ANK3: variants seen among roughly 807,000 people sequenced by gnomAD.
ANK3 encodes the protein ankyrin-3.
In ANK3, 57 loss-of-function variants were observed where a neutral mutation model predicts 370.9. The observed-to-expected ratio is 0.15, with a 90% confidence interval of 0.12 to 0.19. ANK3 has a LOEUF of 0.19. Among genes scored for constraint, ANK3 ranks in the 10% least tolerant of loss-of-function variants. ANK3 has a pLI of 1.00. For synonymous variants in ANK3, 1,929 were observed against 1,946.3 expected (o/e 0.99, Z 0.23); for missense variants, 4,439 against 5,302.1 (o/e 0.84, Z 5.06).
chr10:60,189,778 T>C (rs1198431487), intron 16 of ANK3, among the ~76,000 whole-genome samples: 1 of 152,182 alleles, frequency 6.6e-6, no homozygotes, highest in African/African-American at 2.4e-5. Flanking sequence ...GAGGACCAAG[T>C]GCTTGCCACA....
At chr10:60,228,489 G>A (rs6479704) in intron 8 of ANK3, among the ~76,000 whole-genome samples, 25,371 of 141,978 alleles carry the variant, frequency 0.18, 2,271 homozygotes, top group African/African-American at 0.2. Flanking sequence ...CTGAGATTGC[G>A]CCACTACACT....
Position 60,027,296 on chromosome 10 carries a change from T to G in ANK3, c.*2550A>C, listed in dbSNP as rs938681624. ...AGGCATTTTGGGAAAGTTTTTTTTT[T>G]TTTTTTTTTTTAAAAAAAAAACCTC... On this transcript the variant is annotated 3_prime_UTR_variant, in exon 44 of 44. Transcript: ENST00000280772. The G allele has an allele frequency of 6.7e-6, 1 of 148,892 alleles. No homozygotes were observed. The highest frequency in any genetic ancestry group is 1.5e-5 in the Non-Finnish European group (1 of 67,266). 9.2% of individuals were successfully genotyped at this position (148,892 alleles called of 1,614,324 possible).
At position 60,076,250 on chromosome 10, in the gene ANK3, G is replaced by A. The variant is rs754585055; in HGVS notation, c.4631C>T (p.Ser1544Leu). Reference sequence around the variant, plus strand: ...TGTGGATTTGATTGGAGAAGGTGTCGAAACAGACCATATTGATTTTAACGG... The same window carrying A: ...TGTGGATTTGATTGGAGAAGGTGTCAAAACAGACCATATTGATTTTAACGG... Reference protein sequence around the residue: ...ASPLKSIWSVSTPSPIKSTLG... With the variant: ...ASPLKSIWSVLTPSPIKSTLG... The change falls in exon 37 of 44, where the codon TCG (serine) becomes TTG (leucine). Residue 1544 changes from serine to leucine, a missense_variant. Physicochemically the swap from Ser to Leu is moderately radical, Grantham distance 145. This residue lies in a region of ANK3 where 679 missense variants were observed against 791.0 expected (regional missense o/e 0.86). Transcript: ENST00000280772. 3.8e-5 allele frequency: 61 copies of A among 1,614,004 alleles called. 1 individual carries two copies. The highest frequency in any genetic ancestry group is 6.7e-5 in the African/African-American group (5 of 74,916).
chr10:60,513,781 C>G (rs1047129161), intron 2 of ANK3, among the ~76,000 whole-genome samples: 2 of 152,038 alleles, frequency 1.3e-5, no homozygotes, highest in Non-Finnish European at 2.9e-5. Flanking sequence ...AGCACTATCT[C>G]GGGTAGTCAT....
chr10:60,091,655 A>T (rs1338382586), intron 28 of ANK3, among the ~76,000 whole-genome samples: 13 of 152,040 alleles, frequency 8.6e-5, no homozygotes, highest in Admixed American at 8.5e-4. Flanking sequence ...ACCTGCGGAA[A>T]TTGCTGTACA....
intron 1 of ANK3, among the ~76,000 whole-genome samples, chr10:60,340,270 A>G (rs2053948054): frequency 6.6e-6 from 1 of 152,196 alleles, no homozygotes; most frequent in African/African-American, 2.4e-5. Flanking sequence ...GTACTGAATT[A>G]TCCAGAGTAC....
At chr10:60,707,470 A>C (rs1010358519) in intron 1 of ANK3, among the ~76,000 whole-genome samples, 2 of 152,110 alleles carry the variant, frequency 1.3e-5, no homozygotes, top group East Asian at 3.9e-4. Flanking sequence ...TCATCAAGAG[A>C]AAACACTATA....
chr10:60,703,462 T>C (rs1292668351), intron 1 of ANK3, among the ~76,000 whole-genome samples: 1 of 151,984 alleles, frequency 6.6e-6, no homozygotes, highest in Admixed American at 6.6e-5. Flanking sequence ...TAGATGGGAG[T>C]TCATTCTACT....
At chr10:60,631,325 G>A (rs1458556382) in intron 1 of ANK3, among the ~76,000 whole-genome samples, 6 of 151,926 alleles carry the variant, frequency 3.9e-5, no homozygotes, top group African/African-American at 1.5e-4. Context: ...TCAGGAGATC[G>A]AGACCATCCT....
At chr10:60,631,289 C>T (rs1297220678) in intron 1 of ANK3, among the ~76,000 whole-genome samples, 1 of 151,932 alleles carries the variant, frequency 6.6e-6, no homozygotes, top group Non-Finnish European at 1.5e-5. Flanking sequence ...AGCACTTTCG[C>T]AGGCCAAGGT....
At chr10:60,218,174 T>G (rs924881838) in intron 8 of ANK3, among the ~76,000 whole-genome samples, 1 of 151,558 alleles carries the variant, frequency 6.6e-6, no homozygotes, top group Non-Finnish European at 1.5e-5. Context: ...CCTATGTGTG[T>G]CTTTGCACAT....
chr10:60,381,005 A>G (rs1233131087), intron 1 of ANK3, among the ~76,000 whole-genome samples: 4 of 152,208 alleles, frequency 2.6e-5, no homozygotes, highest in East Asian at 1.9e-4. Flanking sequence ...GGTACAACAG[A>G]TAAGTCTACA....
intron 7 of ANK3, among the ~76,000 whole-genome samples, chr10:60,236,273 C>T (rs1009787367): frequency 1.3e-5 from 2 of 150,208 alleles, no homozygotes; most frequent in African/African-American, 5.0e-5. Flanking sequence ...CAAAAAATCA[C>T]GATACCATTA....
At chr10:60,468,752 C>G (rs1035858195) in intron 2 of ANK3, among the ~76,000 whole-genome samples, 1 of 151,662 alleles carries the variant, frequency 6.6e-6, no homozygotes, top group Non-Finnish European at 1.5e-5. Context: ...AATGAAAGAA[C>G]TTCAGCATAA....
intron 2 of ANK3, among the ~76,000 whole-genome samples, chr10:60,546,953 G>T (rs2076977010): frequency 6.6e-6 from 1 of 152,090 alleles, no homozygotes; most frequent in Admixed American, 6.5e-5. Flanking sequence ...GAATCACAAA[G>T]AGGTAAAGTG....
At chr10:60,317,345 G>A (rs886599272) in intron 1 of ANK3, among the ~76,000 whole-genome samples, 16 of 151,572 alleles carry the variant, frequency 1.1e-4, no homozygotes, top group African/African-American at 3.4e-4. Context: ...GACTGGGCTC[G>A]AACTTCTGGC....
At chr10:60,664,719 T>C (rs1564514499) in intron 1 of ANK3, among the ~76,000 whole-genome samples, 1 of 152,238 alleles carries the variant, frequency 6.6e-6, no homozygotes, top group African/African-American at 2.4e-5. Flanking sequence ...AATAAGGTAC[T>C]GATCCATTAT....
At chr10:60,181,185 C>T in intron 18 of ANK3, 144 bp downstream of exon 18, 1 of 814,134 alleles carries the variant, frequency 1.2e-6, no homozygotes, top group Admixed American at 2.3e-5. Context: ...ACTTTAGTGT[C>T]CCTTGCATAA....
At chr10:60,297,862 A>C (rs888032760) in intron 1 of ANK3, among the ~76,000 whole-genome samples, 6 of 152,150 alleles carry the variant, frequency 3.9e-5, no homozygotes, top group Non-Finnish European at 8.8e-5. Context: ...AGCAAAAGAC[A>C]AGTTTTGTGA....
Sources: allele counts gnomAD v4.1 joint callset (sites outside exome capture counted in the v4.1 genomes callset), GRCh38; gene constraint gnomAD v4.1.1; regional missense constraint gnomAD v4.1.1; transcripts MANE v1.5; gene names NCBI Gene and HGNC (gene_info 2026-07-23, HGNC 2026-07-21).